The following CHFR variants were observed in gnomAD, a reference collection of about 807,000 sequenced individuals.
CHFR encodes E3 ubiquitin-protein ligase CHFR.
In CHFR, 57 loss-of-function variants were observed where a neutral mutation model predicts 87.6. The observed-to-expected ratio is 0.65, with a 90% CI of 0.53 to 0.81. The LOEUF (loss-of-function observed/expected upper bound fraction) is 0.81. Among genes scored for constraint, CHFR ranks in the 30% least tolerant of loss-of-function variants. The pLI is 0.00. For synonymous variants in CHFR, 381 were observed against 359.2 expected (o/e 1.06, Z -0.69); for missense variants, 797 against 865.8 (o/e 0.92, Z 1.00).
intron 2 of CHFR, 135 bp downstream of exon 2, chr12:132,887,061 A>T: frequency 1.4e-6 from 1 of 695,108 alleles, no homozygotes; most frequent in Non-Finnish European, 2.2e-6. Flanking sequence ...AACACCGAAT[A>T]AATACCAGTT....
At chr12:132,848,022 C>G (rs1158367087) in intron 14 of CHFR, 63 bp downstream of exon 14, 9 of 1,612,058 alleles carry the variant, frequency 5.6e-6, no homozygotes, top group Non-Finnish European at 5.9e-6. Context: ...ATGCAGAGAA[C>G]CAGCTGGCTG....
intron 3 of CHFR, among the ~76,000 whole-genome samples, chr12:132,874,001 T>C (rs909209906): frequency 6.6e-6 from 1 of 152,156 alleles, no homozygotes; most frequent in African/African-American, 2.4e-5. Context: ...TGGTTCCTTC[T>C]GCCTGAGCAC....
intron 17 of CHFR, among the ~76,000 whole-genome samples, chr12:132,841,933 C>T (rs542441258): frequency 6.6e-6 from 1 of 151,950 alleles, no homozygotes; most frequent in South Asian, 2.1e-4. Flanking sequence ...ATGGTAAAAC[C>T]CCATCTCTAC....
chr12:132,846,247 G>C (rs907614097), intron 15 of CHFR, among the ~76,000 whole-genome samples: 60 of 148,840 alleles, frequency 4.0e-4, no homozygotes, highest in Admixed American at 9.6e-4. Flanking sequence ...TGTCATACAG[G>C]TTCATGCTTA....
At chr12:132,884,525 C>A (rs766084372) in intron 2 of CHFR, among the ~76,000 whole-genome samples, 18 of 152,012 alleles carry the variant, frequency 1.2e-4, no homozygotes, top group Non-Finnish European at 2.4e-4. Flanking sequence ...CCCTAAAATT[C>A]ATATATTTAA....
chr12:132,837,096 GGT>G lies in CHFR; in HGVS notation c.*4456_*4457del. ...GAGGGGCTGTTTGTGAGAATTAGCT[GGT>G]TCGGTGGAGAAGCAGAGGAACACCT... On this transcript the variant is annotated 3_prime_UTR_variant, in exon 18 of 18. Coordinates refer to ENST00000450056, the MANE Select transcript of CHFR (RefSeq NM_001161346.2). 3.2e-6 allele frequency: 1 copy of G among 314,714 alleles called. No homozygotes were observed. Among genetic ancestry groups the G allele is most frequent in the Non-Finnish European group, 6.2e-6 (1 of 161,610 alleles). The allele number at this position is 314,714 out of a possible 1,614,324, so 19.5% of individuals were successfully genotyped here. A position where few individuals can be genotyped will look rare whatever the true frequency, so the allele number is the denominator to read the frequency against.
At position 132,841,590 on chromosome 12, in the gene CHFR, G is replaced by T. The variant is rs1456116703; in HGVS notation, c.1923C>A (p.Phe641Leu). ...TQVKAHHAMK[F>L]NHICEQTRFK... ...ACCTTGTCTGTTCACAGATATGATTGAATTTCCTGCAGGGAGAAAATGGCC... is the reference window on the plus strand; with the variant it reads ...ACCTTGTCTGTTCACAGATATGATTTAATTTCCTGCAGGGAGAAAATGGCC... The change falls in exon 18 of 18, where the codon TTC becomes TTA. Residue 641 changes from phenylalanine to leucine, a missense_variant. By Grantham distance (22) the Phe-to-Leu change is conservative (BLOSUM62 0). Transcript: ENST00000450056. 11 of 1,613,626 alleles carry T rather than the reference G, an allele frequency of 6.8e-6. No homozygotes were observed. Among genetic ancestry groups the T allele is most frequent in the Admixed American group, 1.7e-5 (1 of 60,006 alleles).
In CHFR at chr12:132,877,668, G is replaced by A. The variant is rs768027408; in HGVS notation, c.134-14C>T. 1 of 1,574,922 alleles carries A rather than the reference G, an allele frequency of 6.3e-7. No homozygotes were observed. Among genetic ancestry groups the A allele is most frequent in the Non-Finnish European group, 8.7e-7 (1 of 1,146,596 alleles). Reference sequence around the variant, plus strand: ...AAAGGTCGCAACCTAAAAAAGAGAGGGTGGGTCAACACGGGATATGATCGT... The same window carrying A: ...AAAGGTCGCAACCTAAAAAAGAGAGAGTGGGTCAACACGGGATATGATCGT... On this transcript the variant is annotated splice_polypyrimidine_tract_variant and intron_variant, in intron 2 of 17. Coordinates refer to ENST00000450056, the MANE Select transcript of CHFR (RefSeq NM_001161346.2).
rs1950699592 is a variant in CHFR, at chr12:132,841,308, T to A, written c.*246A>T. 1 of 451,102 alleles carries A rather than the reference T, an allele frequency of 2.2e-6. No homozygotes were observed. The allele number at this position is 451,102 out of a possible 1,614,324, so 27.9% of individuals were successfully genotyped here. A position where few individuals can be genotyped will look rare whatever the true frequency, so the allele number is the denominator to read the frequency against. On this transcript the variant is annotated 3_prime_UTR_variant, in exon 18 of 18. Transcript: ENST00000450056. ...TGTTACAGAAAGGCTTCGTCTCTGCTGCTGATGCCACCACGAGCCCTGCCC... is the reference window on the plus strand; with the variant it reads ...TGTTACAGAAAGGCTTCGTCTCTGCAGCTGATGCCACCACGAGCCCTGCCC...
rs139032849 is a variant in CHFR at position 132,859,251 on chromosome 12, T to G, written c.752-24A>C. 319 of 1,596,492 alleles carry G rather than the reference T, an allele frequency of 2.0e-4. No individual in the cohort carries two copies. The African/African-American group carries it at 3.9e-3, about 20-fold the overall frequency. On this transcript the variant is annotated intron_variant, in intron 7 of 17. Transcript: ENST00000450056. ...ATCTACAGGAGAAAGGGATGTGTTCTGTCGTAACCAAGAAGGAAATACACG... is the reference window on the plus strand; with the variant it reads ...ATCTACAGGAGAAAGGGATGTGTTCGGTCGTAACCAAGAAGGAAATACACG...
In CHFR at chr12:132,848,681, G is replaced by A. The variant is rs546055046; in HGVS notation, c.1536C>T (p.Cys512=). ...LQPFCHLYWG[C]TRTGCYGCLA... ...GGCAGCCGTAGCAGCCGGTCCGGGT[G>A]CAGCCCCAGTACAGGTGGCAGAAAG... Residue 512 remains cysteine (C), a synonymous_variant, in exon 13 of 18, where the codon TGC becomes TGT. Coordinates refer to ENST00000450056, the MANE Select transcript of CHFR (RefSeq NM_001161346.2). 1.6e-5 allele frequency: 26 copies of A among 1,596,664 alleles called. No homozygotes were observed. In the South Asian group the frequency reaches 2.6e-4, roughly 16 times the overall value.
rs896801495 is a variant in CHFR, at chr12:132,872,349, C to G, written c.279G>C (p.Gln93His). The G allele has an allele frequency of 3.1e-6, 5 of 1,613,648 alleles. No homozygotes were observed. In the African/African-American group the frequency reaches 5.3e-5, roughly 17 times the overall value. The change falls in exon 4 of 18, where the codon CAG becomes CAC. Residue 93 changes from glutamine (Q) to histidine (H), a missense_variant. Physicochemically the swap from Gln to His is conservative, Grantham distance 24. Transcript: ENST00000450056. ...CATCCCCAGTCTGTAAAGGGCATGTCTGCTTCTTAACAACCTTCAGCTTGT... is the reference window on the plus strand; with the variant it reads ...CATCCCCAGTCTGTAAAGGGCATGTGTGCTTCTTAACAACCTTCAGCTTGT... ...VINKLKVVKK[Q>H]TCPLQTGDVI... is the part of the protein sequence containing the mutation.
chr12:132,847,707 A>G, intron 14 of CHFR: 1 of 1,114,388 alleles, frequency 9.0e-7, no homozygotes. Context: ...AGACGTGGGA[A>G]GGCAAATGGC....
intron 5 of CHFR, among the ~76,000 whole-genome samples, chr12:132,870,022 A>G (rs1436425562): frequency 6.6e-6 from 1 of 152,120 alleles, no homozygotes; most frequent in Non-Finnish European, 1.5e-5. Flanking sequence ...CAGCCTGACC[A>G]ACATGGTGAA....
intron 15 of CHFR, among the ~76,000 whole-genome samples, chr12:132,846,263 C>CTTTTTTT (rs10573381): frequency 3.9e-5 from 5 of 127,872 alleles, no homozygotes; most frequent in African/African-American, 1.2e-4. Context: ...GCTTAACTGT[C>CTTTTTTT]TTTTTTTTTT....
At position 132,837,223 on chromosome 12, in the gene CHFR, A is replaced by G. The variant is rs1372096982; in HGVS notation, c.*4331T>C. 4.5e-6 allele frequency: 1 copy of G among 224,544 alleles called. No individual in the cohort carries two copies. The highest frequency in any genetic ancestry group is 9.0e-6 in the Non-Finnish European group (1 of 111,660). The allele number at this position is 224,544 out of a possible 1,614,324, so 13.9% of individuals were successfully genotyped here. Reference sequence around the variant, plus strand: ...CTTCAAGGGCCATGATATGGTTATCATTACTATGTAATAAACCACCCCAAA... The same window carrying G: ...CTTCAAGGGCCATGATATGGTTATCGTTACTATGTAATAAACCACCCCAAA... On this transcript the variant is annotated 3_prime_UTR_variant, in exon 18 of 18. Transcript: ENST00000450056.
At chr12:132,880,431 G>A (rs187933172) in intron 2 of CHFR, among the ~76,000 whole-genome samples, 2 of 151,802 alleles carry the variant, frequency 1.3e-5, no homozygotes, top group East Asian at 1.9e-4. Context: ...CCAAGGGGGG[G>A]GCGGATCACA....
chr12:132,878,576 G>A (rs1951687037), intron 2 of CHFR, among the ~76,000 whole-genome samples: 1 of 151,600 alleles, frequency 6.6e-6, no homozygotes, highest in South Asian at 2.1e-4. Context: ...TAGGTCCGGT[G>A]GCTCACACCG....
chr12:132,846,423 C>T lies in CHFR; in HGVS notation c.1735+620G>A, dbSNP rs963343458. 5.3e-5 allele frequency among the ~76,000 whole-genome samples: 8 copies of T among 151,956 alleles called. No homozygotes were observed. In the South Asian group the frequency reaches 6.2e-4, roughly 12 times the overall value. On this transcript the variant is annotated intron_variant, in intron 15 of 17. Coordinates refer to ENST00000450056, the MANE Select transcript of CHFR (RefSeq NM_001161346.2). ...GACTACAGGCGCCCGCCACCACGCC[C>T]GGCTAATTTTTTGTATTTTTCTTTT...
Sources: allele counts gnomAD v4.1 joint callset (sites outside exome capture counted in the v4.1 genomes callset), GRCh38; gene constraint gnomAD v4.1.1; transcripts MANE v1.5; gene names NCBI Gene and HGNC (gene_info 2026-07-23, HGNC 2026-07-21).